CFAP36: variants seen among roughly 807,000 people sequenced by gnomAD.
CFAP36 encodes cilia and flagella associated protein 36, also known as cilia- and flagella-associated protein 36.
A neutral mutation model predicts 50.5 loss-of-function variants in CFAP36; 37 were observed. The ratio of observed to expected loss-of-function variants is 0.73; its 90% CI spans 0.56 to 0.96. The LOEUF (loss-of-function observed/expected upper bound fraction) is 0.96. Among genes scored for constraint, CFAP36 ranks in the 50% least tolerant of loss-of-function variants. CFAP36 has a pLI of 0.00. For missense variants in CFAP36, 407 were observed against 396.2 expected, an observed-to-expected ratio of 1.03 and a Z score of -0.23; for synonymous variants, 138 against 128.2, an observed-to-expected ratio of 1.08 and a Z score of -0.52.
chr2:55,529,574 G>A (rs550578439), intron 4 of CFAP36, among the ~76,000 whole-genome samples: 43 of 151,864 alleles, frequency 2.8e-4, no homozygotes, highest in Admixed American at 2.8e-3. Flanking sequence ...GGTCATAGTT[G>A]TGGTTACTGT....
At chr2:55,541,822 AT>A (rs1276996506) in intron 7 of CFAP36, among the ~76,000 whole-genome samples, 1 of 132,030 alleles carries the variant, frequency 7.6e-6, no homozygotes, top group Non-Finnish European at 1.6e-5. Context: ...ACCATTAAGT[AT>A]TGTGTTAAGT....
At chr2:55,543,351 A>G (rs187667671) in intron 7 of CFAP36, among the ~76,000 whole-genome samples, 376 of 152,248 alleles carry the variant, frequency 2.5e-3, no homozygotes, top group African/African-American at 8.9e-3. Context: ...TTTAGTGCTC[A>G]TGTTTATATG....
intron 3 of CFAP36, among the ~76,000 whole-genome samples, chr2:55,527,582 AAAATAAAT>A (rs56081740): frequency 1.3e-5 from 2 of 151,558 alleles, no homozygotes; most frequent in African/African-American, 2.4e-5. Context: ...ACTGCATTTC[AAAATAAAT>A]AAATAAATAA....
At chr2:55,534,698 C>T (rs889369450) in intron 5 of CFAP36, among the ~76,000 whole-genome samples, 5 of 152,178 alleles carry the variant, frequency 3.3e-5, no homozygotes, top group Admixed American at 1.3e-4. Context: ...GTGTCACTTG[C>T]AGACTGTGGC....
In CFAP36 at chr2:55,544,283, G is replaced by A; in HGVS notation, c.841G>A (p.Asp281Asn). The change falls in exon 9 of 10, where the codon GAT becomes AAT. Residue 281 changes from aspartate to asparagine, a missense_variant. Transcript: ENST00000349456. ...AGAACACTATCTCAAGCAGAAGAGA[G>A]ATAAGTTGATGTCCATGAGAAAGGA... ...QREHYLKQKRDKLMSMRKDMR... is the reference protein window; with the variant it reads ...QREHYLKQKRNKLMSMRKDMR... 5 of 1,613,922 alleles carry A rather than the reference G, an allele frequency of 3.1e-6. No homozygotes were observed. Among genetic ancestry groups the A allele is most frequent in the Non-Finnish European group, 4.2e-6 (5 of 1,179,918 alleles).
intron 3 of CFAP36, among the ~76,000 whole-genome samples, chr2:55,525,119 G>A (rs1684171301): frequency 6.6e-6 from 1 of 152,132 alleles, no homozygotes; most frequent in Admixed American, 6.5e-5. Flanking sequence ...CTCAGAGGGT[G>A]AGGATTGGGA....
intron 7 of CFAP36, among the ~76,000 whole-genome samples, chr2:55,542,787 C>G (rs1461378325): frequency 2.6e-5 from 4 of 152,232 alleles, no homozygotes; most frequent in African/African-American, 9.6e-5. Context: ...AAGCCTACCT[C>G]TGCTAACGTC....
chr2:55,542,713 T>A (rs923118065), intron 7 of CFAP36, among the ~76,000 whole-genome samples: 3 of 152,206 alleles, frequency 2.0e-5, no homozygotes, highest in Non-Finnish European at 2.9e-5. Context: ...TATGTATGGG[T>A]TCCCCCCTCC....
At chr2:55,534,001 T>C (rs1178271399) in intron 5 of CFAP36, 41 bp downstream of exon 5, 5 of 1,217,904 alleles carry the variant, frequency 4.1e-6, no homozygotes, top group Non-Finnish European at 6.0e-6. Flanking sequence ...TCATTATTAA[T>C]ATTATATGAT....
intron 7 of CFAP36, among the ~76,000 whole-genome samples, chr2:55,538,319 A>T (rs1684546532): frequency 1.5e-5 from 2 of 136,244 alleles, no homozygotes; most frequent in South Asian, 2.3e-4. Flanking sequence ...TTTGAGTCAG[A>T]GTTTTGCTGT....
Position 55,522,178 on chromosome 2 carries a change from T to G in CFAP36, c.180+12T>G, listed in dbSNP as rs149261282. The G allele has an allele frequency of 3.5e-5, 48 of 1,383,998 alleles. No individual in the cohort carries two copies. The African/African-American group carries it at 6.7e-4, about 19-fold the overall frequency. The allele number at this position is 1,383,998 out of a possible 1,614,324, so 85.7% of individuals were successfully genotyped here. ...AATACAAAGAACTAGTGAGTATTTTTTTTCACTGATTTTTAAAAGTAATTA... is the reference window on the plus strand; with the variant it reads ...AATACAAAGAACTAGTGAGTATTTTGTTTCACTGATTTTTAAAAGTAATTA... On this transcript the variant is annotated intron_variant, in intron 2 of 9. Transcript: ENST00000349456.
At position 55,543,985 on chromosome 2, in the gene CFAP36, A is replaced by G. The variant is rs150639486; in HGVS notation, c.688A>G (p.Lys230Glu). ...TCAGTCAATAGAACCTTTGGGAAGA[A>G]AAGTGGAAAGGTCTGAAACTTCCTC... ...ANQSIEPLGR[K>E]VERSETSSLP... Residue 230 changes from lysine to glutamate, a missense_variant, in exon 8 of 10, where the codon AAA (lysine) becomes GAA (glutamate). By Grantham distance (56) the Lys-to-Glu change is moderately conservative. Coordinates refer to ENST00000349456, the MANE Select transcript of CFAP36 (RefSeq NM_080667.7). 4.7e-5 allele frequency: 76 copies of G among 1,614,012 alleles called. No individual in the cohort carries two copies. In the African/African-American group the frequency reaches 8.0e-4, roughly 17 times the overall value.
intron 3 of CFAP36, among the ~76,000 whole-genome samples, chr2:55,524,364 C>T (rs1419505648): frequency 6.6e-6 from 1 of 151,794 alleles, no homozygotes; most frequent in Non-Finnish European, 1.5e-5. Context: ...AGGTAATCCT[C>T]CCATCTCAAC....
At chr2:55,540,361 C>CT (rs1364566343) in intron 7 of CFAP36, among the ~76,000 whole-genome samples, 2 of 152,078 alleles carry the variant, frequency 1.3e-5, no homozygotes, top group African/African-American at 4.8e-5. Context: ...GTCCATTTTC[C>CT]TTTCCTCACC....
At chr2:55,540,156 T>C (rs757321473) in intron 7 of CFAP36, among the ~76,000 whole-genome samples, 3 of 152,216 alleles carry the variant, frequency 2.0e-5, no homozygotes, top group African/African-American at 4.8e-5. Flanking sequence ...ATTAATTATG[T>C]CTTTCATAGG....
At chr2:55,535,815 A>C (rs763358290) in intron 6 of CFAP36, 52 bp downstream of exon 6, 54 of 1,530,832 alleles carry the variant, frequency 3.5e-5, no homozygotes, top group Non-Finnish European at 4.7e-5. Context: ...TCTCTTATTA[A>C]GTTTACACCT....
chr2:55,529,108 G>C lies in CFAP36; in HGVS notation c.397+116G>C, dbSNP rs902082292. 8 of 704,114 alleles carry C rather than the reference G, an allele frequency of 1.1e-5. No individual in the cohort carries two copies. In the East Asian group the frequency reaches 2.3e-4, roughly 20 times the overall value. The allele number at this position is 704,114 out of a possible 1,614,324, so 43.6% of individuals were successfully genotyped here. Reference sequence around the variant, plus strand: ...ATGTACATTTATTTCAAGTTTGAAAGACTTCAGCTGACTTGAGATTTTAGA... The same window carrying C: ...ATGTACATTTATTTCAAGTTTGAAACACTTCAGCTGACTTGAGATTTTAGA... On this transcript the variant is annotated intron_variant, in intron 4 of 9. Coordinates refer to ENST00000349456, the MANE Select transcript of CFAP36 (RefSeq NM_080667.7).
At chr2:55,522,766 G>T (rs6739513) in intron 2 of CFAP36, among the ~76,000 whole-genome samples, 1 of 151,922 alleles carries the variant, frequency 6.6e-6, no homozygotes, top group Non-Finnish European at 1.5e-5. Flanking sequence ...GTTTACAGGT[G>T]TGAGCCACTG....
chr2:55,539,924 G>A (rs1471600397), intron 7 of CFAP36, among the ~76,000 whole-genome samples: 2 of 152,106 alleles, frequency 1.3e-5, no homozygotes, highest in Non-Finnish European at 2.9e-5. Flanking sequence ...TGATGAGTCT[G>A]TTAAGGTTTT....
Sources: gnomAD v4.1 joint callset for allele counts (sites outside exome capture counted in the v4.1 genomes callset) on GRCh38, gnomAD v4.1.1 for gene constraint, MANE v1.5 for transcripts, NCBI Gene and HGNC (gene_info 2026-07-23, HGNC 2026-07-21) for gene names.